Variants in MDGA2 observed in about 807,000 individuals in gnomAD.
The protein encoded by MDGA2 is MAM domain-containing glycosylphosphatidylinositol anchor protein 2.
MDGA2 carries 40 observed loss-of-function variants against 117.8 expected under a neutral mutation model. The observed-to-expected ratio is 0.34, with a 90% CI of 0.26 to 0.44. MDGA2 has a LOEUF of 0.44. MDGA2 is among the 20% of genes least tolerant of loss of function. The pLI is 1.00. For synonymous variants in MDGA2, 452 were observed against 439.0 expected (o/e 1.03, Z -0.37); for missense variants, 1,123 against 1,250.6 (o/e 0.90, Z 1.54).
intron 1 of MDGA2, among the ~76,000 whole-genome samples, chr14:47,561,179 G>GTTTTTTTTTTTTTTTTTTTT: frequency 1.4e-5 from 1 of 71,624 alleles, no homozygotes; most frequent in Non-Finnish European, 2.8e-5. Flanking sequence ...TTGTTTGTTT[G>GTTTTTTTTTTTTTTTTTTTT]TTTTTTTTTG....
chr14:46,873,603 CA>C lies in MDGA2; in HGVS notation c.2594-13del, dbSNP rs1566501939. ...GTACATATAAAAACCTTAAAACAGA[CA>C]AAATAAAGTGTTTAAACACATTATT... On this transcript the variant is annotated splice_polypyrimidine_tract_variant and intron_variant, in intron 13 of 16. Coordinates refer to ENST00000399232, the MANE Select transcript of MDGA2 (RefSeq NM_001113498.3). The C allele has an allele frequency of 6.2e-7, 1 of 1,606,022 alleles. No individual in the cohort carries two copies. Among genetic ancestry groups the C allele is most frequent in the Non-Finnish European group, 8.5e-7 (1 of 1,176,028 alleles).
intron 2 of MDGA2, among the ~76,000 whole-genome samples, chr14:47,291,575 T>G (rs1888890407): frequency 1.3e-5 from 2 of 152,174 alleles, no homozygotes; most frequent in Non-Finnish European, 1.5e-5. Flanking sequence ...ATCTTAAACA[T>G]GCTTAGAACA....
chr14:47,505,760 T>C (rs1046213139), intron 1 of MDGA2, among the ~76,000 whole-genome samples: 1 of 152,214 alleles, frequency 6.6e-6, no homozygotes, highest in East Asian at 1.9e-4. Flanking sequence ...CCAGAGTTAA[T>C]TTATCTATGG....
chr14:46,925,779 A>G (rs2138528682), intron 9 of MDGA2, among the ~76,000 whole-genome samples: 1 of 152,292 alleles, frequency 6.6e-6, no homozygotes, highest in Admixed American at 6.5e-5. Context: ...GAAAGGCTTC[A>G]CAAGAGGAAT....
intron 1 of MDGA2, among the ~76,000 whole-genome samples, chr14:47,575,901 T>C (rs1399163546): frequency 6.6e-6 from 1 of 152,222 alleles, no homozygotes; most frequent in African/African-American, 2.4e-5. Context: ...TATCAATTTA[T>C]ATTTAGCACA....
chr14:47,466,212 T>TG (rs572037115), intron 1 of MDGA2, among the ~76,000 whole-genome samples: 21 of 151,816 alleles, frequency 1.4e-4, no homozygotes, highest in Admixed American at 4.6e-4. Context: ...AATATAACTA[T>TG]GGGGTACTGG....
intron 8 of MDGA2, among the ~76,000 whole-genome samples, chr14:46,966,586 G>A (rs549043368): frequency 6.6e-6 from 1 of 152,002 alleles, no homozygotes; most frequent in Non-Finnish European, 1.5e-5. Context: ...CAGTTTATAT[G>A]GCAATGTACT....
intron 1 of MDGA2, among the ~76,000 whole-genome samples, chr14:47,438,448 A>G (rs1205859722): frequency 1.3e-5 from 2 of 152,176 alleles, no homozygotes; most frequent in Non-Finnish European, 2.9e-5. Context: ...ACTGGTTTAC[A>G]TACGTGAGAA....
At chr14:46,969,937 T>C (rs1389824274) in intron 8 of MDGA2, among the ~76,000 whole-genome samples, 417 of 17,622 alleles carry the variant, frequency 0.024, 10 homozygotes, top group East Asian at 0.061. Flanking sequence ...GTATTCCATA[T>C]ATATATATAT....
intron 2 of MDGA2, among the ~76,000 whole-genome samples, chr14:47,262,078 G>T (rs1248336193): frequency 6.6e-6 from 1 of 152,110 alleles, no homozygotes; most frequent in Admixed American, 6.6e-5. Context: ...ATTACCCACA[G>T]ACATTTCAAC....
intron 1 of MDGA2, among the ~76,000 whole-genome samples, chr14:47,559,207 C>A (rs1010987388): frequency 1.3e-5 from 2 of 152,242 alleles, no homozygotes; most frequent in East Asian, 3.9e-4. Flanking sequence ...GCATAGTACA[C>A]GGCAGACAGT....
chr14:47,452,721 C>T (rs1375937371), intron 1 of MDGA2, among the ~76,000 whole-genome samples: 5 of 152,020 alleles, frequency 3.3e-5, no homozygotes, highest in African/African-American at 1.2e-4. Flanking sequence ...AGTCCCATTG[C>T]ATTCTAGATG....
At chr14:47,364,358 G>A (rs1455660322) in intron 1 of MDGA2, among the ~76,000 whole-genome samples, 5 of 152,132 alleles carry the variant, frequency 3.3e-5, no homozygotes, top group African/African-American at 4.8e-5. Context: ...TCTGCCTCCC[G>A]GGTTCACGTC....
chr14:47,545,760 C>T (rs925619981), intron 1 of MDGA2, among the ~76,000 whole-genome samples: 1 of 152,142 alleles, frequency 6.6e-6, no homozygotes, highest in East Asian at 1.9e-4. Flanking sequence ...AAAAAAACAG[C>T]AGCAGTCTCA....
rs558938931 is a variant in MDGA2, at chr14:47,074,106, GATTA to G, written c.1196-12532_1196-12529del. 5.6e-3 allele frequency among the ~76,000 whole-genome samples: 836 copies of G among 150,140 alleles called. 4 individuals are homozygous for G. The highest frequency in any genetic ancestry group is 0.019 in the African/African-American group (781 of 40,700). On this transcript the variant is annotated intron_variant, in intron 6 of 16. Coordinates refer to ENST00000399232, the MANE Select transcript of MDGA2 (RefSeq NM_001113498.3). ...GCATGATCATAATTAAATAATTAAT[GATTA>G]ATTAATTTAATTAATCATTAATTAA...
chr14:47,651,708 A>T (rs1897648547), intron 1 of MDGA2, among the ~76,000 whole-genome samples: 1 of 152,166 alleles, frequency 6.6e-6, no homozygotes, highest in South Asian at 2.1e-4. Context: ...GAGACAAAAT[A>T]GAAACATGGA....
At chr14:47,467,900 A>G (rs1235718946) in intron 1 of MDGA2, among the ~76,000 whole-genome samples, 1 of 152,210 alleles carries the variant, frequency 6.6e-6, no homozygotes, top group Non-Finnish European at 1.5e-5. Flanking sequence ...ATGAAAACTC[A>G]GTTAACACAG....
intron 1 of MDGA2, among the ~76,000 whole-genome samples, chr14:47,608,910 G>A (rs1393289794): frequency 6.6e-6 from 1 of 151,862 alleles, no homozygotes; most frequent in Non-Finnish European, 1.5e-5. Flanking sequence ...CTGACAGGTT[G>A]GAATTTGGTC....
intron 1 of MDGA2, among the ~76,000 whole-genome samples, chr14:47,336,621 TAG>T (rs1380465092): frequency 6.6e-6 from 1 of 151,912 alleles, no homozygotes; most frequent in Admixed American, 6.6e-5. Context: ...ATTAATTATT[TAG>T]AGTCTTAGCA....
Sources: gnomAD v4.1 joint callset for allele counts (sites outside exome capture counted in the v4.1 genomes callset) on GRCh38, gnomAD v4.1.1 for gene constraint, MANE v1.5 for transcripts, NCBI Gene and HGNC (gene_info 2026-07-23, HGNC 2026-07-21) for gene names.